Variants in KIAA0825 observed in about 807,000 individuals in gnomAD.
KIAA0825 encodes the protein uncharacterized protein KIAA0825.
Under a neutral mutation model 147.6 loss-of-function variants are expected in KIAA0825, and 119 were observed. That is an observed-to-expected ratio of 0.81 (90% CI 0.69 to 0.94). KIAA0825 has a LOEUF of 0.94. KIAA0825 is among the 40% of genes least tolerant of loss of function. The pLI is 0.00. For missense variants in KIAA0825, 1,381 were observed against 1,472.7 expected (o/e 0.94, Z 1.02); for synonymous variants, 470 against 518.1 (o/e 0.91, Z 1.26).
At chr5:94,589,521 G>A (rs909506083) in intron 1 of KIAA0825, among the ~76,000 whole-genome samples, 4 of 152,180 alleles carry the variant, frequency 2.6e-5, no homozygotes, top group African/African-American at 9.7e-5. Context: ...ATAGCATTGA[G>A]TTTTCCAAAT....
chr5:94,475,388 A>T (rs1369379575), intron 7 of KIAA0825, among the ~76,000 whole-genome samples: 1 of 147,566 alleles, frequency 6.8e-6, no homozygotes, highest in Non-Finnish European at 1.5e-5. Context: ...TTGAATTTTT[A>T]AAAATTTTTT....
At chr5:94,600,682 A>G (rs1786239215) in intron 1 of KIAA0825, among the ~76,000 whole-genome samples, 1 of 152,146 alleles carries the variant, frequency 6.6e-6, no homozygotes, top group African/African-American at 2.4e-5. Flanking sequence ...ACATTTCTAT[A>G]AAGGAATACT....
In KIAA0825 at chr5:94,266,545, C is replaced by T. The variant is rs1776745413; in HGVS notation, c.3711-112421G>A. 3.3e-5 allele frequency among the ~76,000 whole-genome samples: 5 copies of T among 152,084 alleles called. No individual in the cohort carries two copies. In the South Asian group the frequency reaches 1.0e-3, roughly 32 times the overall value. The stretch of plus-strand genomic sequence containing the variant: ...GATCTGAAGGGGTAATAAAAATATT[C>T]CTTTTTTATCCAATTACATTTCTGT... On this transcript the variant is annotated intron_variant, in intron 20 of 20. Transcript: ENST00000682413.
At chr5:94,312,423 C>A (rs1017334350) in intron 20 of KIAA0825, among the ~76,000 whole-genome samples, 4 of 151,594 alleles carry the variant, frequency 2.6e-5, no homozygotes, top group Admixed American at 2.6e-4. Flanking sequence ...CTGTGCGCTA[C>A]CTGCTAAGAA....
chr5:94,276,400 G>A (rs1777222965), intron 20 of KIAA0825, among the ~76,000 whole-genome samples: 1 of 152,024 alleles, frequency 6.6e-6, no homozygotes, highest in Admixed American at 6.6e-5. Context: ...AGAAATTGGT[G>A]GAGTAGGGTG....
intron 2 of KIAA0825, among the ~76,000 whole-genome samples, chr5:94,576,750 G>T (rs375082759): frequency 1.3e-5 from 2 of 152,310 alleles, no homozygotes; most frequent in East Asian, 1.9e-4. Context: ...CTTGGTGAGA[G>T]AAGAGACATC....
chr5:94,527,480 G>A (rs1316166808), intron 3 of KIAA0825, among the ~76,000 whole-genome samples: 1 of 151,874 alleles, frequency 6.6e-6, no homozygotes, highest in African/African-American at 2.4e-5. Flanking sequence ...ACACATATAT[G>A]TGCTTTCATG....
intron 18 of KIAA0825, among the ~76,000 whole-genome samples, chr5:94,389,228 G>C (rs1749578004): frequency 6.6e-6 from 1 of 152,194 alleles, no homozygotes; most frequent in South Asian, 2.1e-4. Flanking sequence ...GTCAGGTGGA[G>C]GTTGCTAGGT....
chr5:94,550,163 A>T (rs749660920), intron 2 of KIAA0825, among the ~76,000 whole-genome samples: 1 of 152,142 alleles, frequency 6.6e-6, no homozygotes, highest in Non-Finnish European at 1.5e-5. Context: ...GACAAACATC[A>T]TATGTGCTCA....
rs1766524676 is a variant in KIAA0825, at chr5:94,151,847, A to G, written c.*2160T>C. ...AGTTTATTGGATTAATTTATTTTTA[A>G]CTTTCCATTTTTGCATCTTGTCTAA... On this transcript the variant is annotated 3_prime_UTR_variant, in exon 21 of 21. Coordinates refer to ENST00000682413, the MANE Select transcript of KIAA0825 (RefSeq NM_001145678.3). Among the ~76,000 whole-genome samples, 1 of 152,200 alleles carries G rather than the reference A, an allele frequency of 6.6e-6. No individual in the cohort carries two copies. Among genetic ancestry groups the G allele is most frequent in the African/African-American group, 2.4e-5 (1 of 41,452 alleles).
chr5:94,608,009 C>A (rs189594538), intron 1 of KIAA0825, among the ~76,000 whole-genome samples: 7 of 152,088 alleles, frequency 4.6e-5, no homozygotes, highest in Admixed American at 6.5e-5. Context: ...TTGGATAATC[C>A]AAGATAATCT....
intron 20 of KIAA0825, among the ~76,000 whole-genome samples, chr5:94,280,003 A>T (rs2150153323): frequency 6.6e-6 from 1 of 152,222 alleles, no homozygotes; most frequent in East Asian, 1.9e-4. Context: ...AAAAAGCATC[A>T]AACGATATCT....
intron 20 of KIAA0825, among the ~76,000 whole-genome samples, chr5:94,186,477 T>C (rs887059955): frequency 6.6e-6 from 1 of 152,210 alleles, no homozygotes; most frequent in African/African-American, 2.4e-5. Context: ...GGATATGTGA[T>C]AATAAATAAG....
chr5:94,215,824 C>G (rs1405498247), intron 20 of KIAA0825, among the ~76,000 whole-genome samples: 1 of 152,114 alleles, frequency 6.6e-6, no homozygotes, highest in Non-Finnish European at 1.5e-5. Flanking sequence ...ACACTACAAA[C>G]CCATCCTTGG....
chr5:94,208,862 C>A (rs1772443628), intron 20 of KIAA0825, among the ~76,000 whole-genome samples: 1 of 152,202 alleles, frequency 6.6e-6, no homozygotes, highest in Non-Finnish European at 1.5e-5. Flanking sequence ...CGGGCCAGGG[C>A]TTATTCATAC....
intron 5 of KIAA0825, among the ~76,000 whole-genome samples, chr5:94,510,626 G>C (rs1766351991): frequency 6.6e-6 from 1 of 152,154 alleles, no homozygotes; most frequent in Non-Finnish European, 1.5e-5. Flanking sequence ...GTTTTGGTAA[G>C]ACTAGAAGCA....
At chr5:94,481,580 A>C (rs1762503125) in intron 6 of KIAA0825, among the ~76,000 whole-genome samples, 1 of 152,006 alleles carries the variant, frequency 6.6e-6, no homozygotes, top group Non-Finnish European at 1.5e-5. Flanking sequence ...GCAAATTTCC[A>C]ATGTGGAAGC....
intron 20 of KIAA0825, among the ~76,000 whole-genome samples, chr5:94,368,261 T>G (rs984841615): frequency 6.6e-6 from 1 of 152,182 alleles, no homozygotes; most frequent in African/African-American, 2.4e-5. Flanking sequence ...CAGTCCCGAC[T>G]TTCTGGGCTC....
chr5:94,471,288 A>G (rs778008047), intron 9 of KIAA0825, among the ~76,000 whole-genome samples, 178 bp downstream of exon 9: 6 of 152,168 alleles, frequency 3.9e-5, no homozygotes, highest in Non-Finnish European at 7.4e-5. Flanking sequence ...ATCTAGTTTA[A>G]TATATCCCAT....
Sources: gnomAD v4.1 joint callset for allele counts (sites outside exome capture counted in the v4.1 genomes callset) on GRCh38, gnomAD v4.1.1 for gene constraint, MANE v1.5 for transcripts, NCBI Gene and HGNC (gene_info 2026-07-23, HGNC 2026-07-21) for gene names.